The following PTPRD variants were observed in gnomAD, a reference collection of about 807,000 sequenced individuals.
PTPRD encodes receptor-type tyrosine-protein phosphatase delta.
A neutral mutation model predicts 214.5 loss-of-function variants in PTPRD; 34 were observed. The ratio of observed to expected loss-of-function variants is 0.16; its 90% CI spans 0.12 to 0.21. PTPRD has a LOEUF of 0.21. Ranked by LOEUF, PTPRD falls within the 10% of genes least tolerant of loss-of-function variation. The pLI is 1.00. For synonymous variants in PTPRD, 1,128 were observed against 845.7 expected (o/e 1.33, Z -5.79); for missense variants, 2,545 against 2,398.7 (o/e 1.06, Z -1.27).
chr9:9,897,313 C>A (rs1397850620), intron 5 of PTPRD, among the ~76,000 whole-genome samples: 1 of 151,936 alleles, frequency 6.6e-6, no homozygotes, highest in Non-Finnish European at 1.5e-5. Context: ...AATCTATATA[C>A]TTTAAACCAA....
intron 9 of PTPRD, among the ~76,000 whole-genome samples, chr9:9,188,243 A>G (rs1329807811): frequency 6.6e-6 from 1 of 152,080 alleles, no homozygotes; most frequent in Non-Finnish European, 1.5e-5. Flanking sequence ...AAATATCTGA[A>G]TATACAGTGC....
chr9:10,488,133 C>T lies in PTPRD; in HGVS notation c.-600+124265G>A, dbSNP rs577197221. Among the ~76,000 whole-genome samples the T allele has an allele frequency of 1.4e-4, 22 of 151,734 alleles. No individual in the cohort carries two copies. The East Asian group carries it at 3.5e-3, about 24-fold the overall frequency. ...CTGTAATCCTAGCACTTTGGGAGCC[C>T]GAGCCGGGTGGATCACAAGGTCAGG... is the stretch of plus-strand genomic sequence containing the variant. On this transcript the variant is annotated intron_variant, in intron 2 of 45. Transcript: ENST00000381196.
intron 8 of PTPRD, among the ~76,000 whole-genome samples, chr9:9,423,100 C>G (rs2079432146): frequency 6.6e-6 from 1 of 152,128 alleles, no homozygotes; most frequent in South Asian, 2.1e-4. Context: ...GGGATATATT[C>G]TGATTCTACT....
At chr9:10,600,744 CA>C (rs1490527279) in intron 2 of PTPRD, among the ~76,000 whole-genome samples, 3 of 151,698 alleles carry the variant, frequency 2.0e-5, no homozygotes, top group Non-Finnish European at 4.4e-5. Context: ...AGCAAATCCA[CA>C]AAAACAGAGG....
intron 4 of PTPRD, among the ~76,000 whole-genome samples, chr9:9,966,808 G>C (rs1219363618): frequency 6.6e-6 from 1 of 152,114 alleles, no homozygotes; most frequent in African/African-American, 2.4e-5. Context: ...AGATGCTTTA[G>C]ACAGAGCATC....
rs2136307087 is a variant in PTPRD, at chr9:8,492,925, C to G, written c.2404G>C (p.Ala802Pro). Residue 802 changes from alanine to proline, a missense_variant, in exon 27 of 46, where the codon GCC (alanine) becomes CCC (proline). By Grantham distance (27) the Ala-to-Pro change is conservative. Transcript: ENST00000381196. ...PETSYSLTVTAYTTKGDGARS... is the reference protein window; with the variant it reads ...PETSYSLTVTPYTTKGDGARS... The stretch of plus-strand genomic sequence containing the variant: ...GCACCATCTCCTTTGGTTGTGTAGG[C>G]TGTGACGGTGAGGGAGTAGGAAGTT... 1.2e-6 allele frequency: 2 copies of G among 1,613,860 alleles called. No homozygotes were observed. Among genetic ancestry groups the G allele is most frequent in the Non-Finnish European group, 1.7e-6 (2 of 1,179,812 alleles).
intron 11 of PTPRD, among the ~76,000 whole-genome samples, chr9:8,940,516 C>T (rs1588492838): frequency 7.4e-6 from 1 of 134,258 alleles, no homozygotes; most frequent in Admixed American, 8.9e-5. Flanking sequence ...TGGTTTTGAA[C>T]TCCTGACCTC....
intron 2 of PTPRD, among the ~76,000 whole-genome samples, chr9:10,485,170 T>C (rs2099124591): frequency 6.6e-6 from 1 of 152,126 alleles, no homozygotes; most frequent in Non-Finnish European, 1.5e-5. Flanking sequence ...ATGAGTTCAC[T>C]GCAGGTATGT....
At chr9:10,235,751 G>A (rs1032403231) in intron 3 of PTPRD, among the ~76,000 whole-genome samples, 1 of 152,008 alleles carries the variant, frequency 6.6e-6, no homozygotes, top group Non-Finnish European at 1.5e-5. Flanking sequence ...ATCCCAGCAA[G>A]TGGACACATG....
At chr9:8,511,196 G>C (rs1214903327) in intron 21 of PTPRD, among the ~76,000 whole-genome samples, 6 of 152,078 alleles carry the variant, frequency 3.9e-5, no homozygotes, top group Admixed American at 1.3e-4. Flanking sequence ...AGCCCCCTGA[G>C]TAGCTGAGAG....
At chr9:8,802,323 G>A (rs1286085789) in intron 11 of PTPRD, among the ~76,000 whole-genome samples, 1 of 152,132 alleles carries the variant, frequency 6.6e-6, no homozygotes, top group Non-Finnish European at 1.5e-5. Flanking sequence ...CAGACACCAT[G>A]TATCACAGGG....
intron 12 of PTPRD, among the ~76,000 whole-genome samples, chr9:8,702,830 A>G (rs1038052546): frequency 2.0e-5 from 3 of 152,136 alleles, no homozygotes; most frequent in Non-Finnish European, 2.9e-5. Context: ...GCCAGTCTCA[A>G]ACTCCTGATC....
At chr9:9,613,653 A>G (rs2094672580) in intron 7 of PTPRD, among the ~76,000 whole-genome samples, 1 of 152,160 alleles carries the variant, frequency 6.6e-6, no homozygotes, top group African/African-American at 2.4e-5. Context: ...GGTCTTTTCC[A>G]ATCACATTTT....
chr9:10,159,948 C>T (rs1053111676), intron 3 of PTPRD, among the ~76,000 whole-genome samples: 1 of 151,962 alleles, frequency 6.6e-6, no homozygotes, highest in Non-Finnish European at 1.5e-5. Flanking sequence ...TCCCTTCATT[C>T]ACAAAAACAA....
At chr9:10,575,568 G>C (rs1486216466) in intron 2 of PTPRD, among the ~76,000 whole-genome samples, 1 of 152,014 alleles carries the variant, frequency 6.6e-6, no homozygotes, top group Non-Finnish European at 1.5e-5. Context: ...GTAAAGTATG[G>C]CTTTATTTTA....
intron 10 of PTPRD, among the ~76,000 whole-genome samples, chr9:9,077,906 TATC>T (rs2099753557): frequency 6.6e-6 from 1 of 152,074 alleles, no homozygotes. Flanking sequence ...CTAAAATAAA[TATC>T]TATTTACATT....
intron 4 of PTPRD, among the ~76,000 whole-genome samples, chr9:9,943,742 T>C (rs192598189): frequency 2.2e-4 from 34 of 152,176 alleles, no homozygotes; most frequent in Admixed American, 2.1e-3. Context: ...AAGAGCCTTC[T>C]AGGAAGTAGA....
At chr9:8,735,109 C>A (rs2089866410) in intron 11 of PTPRD, among the ~76,000 whole-genome samples, 1 of 151,150 alleles carries the variant, frequency 6.6e-6, no homozygotes, top group South Asian at 2.1e-4. Flanking sequence ...TGGTGGGGAT[C>A]CAATAATTCA....
intron 9 of PTPRD, among the ~76,000 whole-genome samples, chr9:9,390,175 G>A (rs138962205): frequency 6.6e-6 from 1 of 152,188 alleles, no homozygotes; most frequent in East Asian, 1.9e-4. Flanking sequence ...CGGGGAAGCC[G>A]GATTATCTTA....
Sources: allele counts gnomAD v4.1 joint callset (sites outside exome capture counted in the v4.1 genomes callset), GRCh38; gene constraint gnomAD v4.1.1; transcripts MANE v1.5; gene names NCBI Gene and HGNC (gene_info 2026-07-23, HGNC 2026-07-21).